BTRC: variants seen among roughly 807,000 people sequenced by gnomAD.
BTRC encodes F-box/WD repeat-containing protein 1A.
In BTRC, 42 loss-of-function variants were observed where a neutral mutation model predicts 85.5. The observed-to-expected ratio is 0.49, with a 90% CI of 0.38 to 0.64. The LOEUF (loss-of-function observed/expected upper bound fraction) is 0.64. Among genes scored for constraint, BTRC ranks in the 30% least tolerant of loss-of-function variants. BTRC has a pLI of 0.00. For synonymous variants in BTRC, 255 were observed against 263.3 expected, an observed-to-expected ratio of 0.97 and a Z score of 0.30; for missense variants, 594 against 743.5, an observed-to-expected ratio of 0.80 and a Z score of 2.34.
intron 1 of BTRC, among the ~76,000 whole-genome samples, chr10:101,421,134 G>A (rs1944089195): frequency 6.6e-6 from 1 of 151,840 alleles, no homozygotes; most frequent in Admixed American, 6.6e-5. Context: ...AGTTTGAAAT[G>A]TTGAAGTTAA....
chr10:101,374,715 T>A (rs1942741058), intron 1 of BTRC, among the ~76,000 whole-genome samples: 1 of 150,166 alleles, frequency 6.7e-6, no homozygotes, highest in Middle Eastern at 3.2e-3. Flanking sequence ...TGCACCAGCA[T>A]GGCACATGTA....
intron 4 of BTRC, among the ~76,000 whole-genome samples, chr10:101,499,394 T>C (rs532875636): frequency 6.6e-6 from 1 of 152,054 alleles, no homozygotes; most frequent in Admixed American, 6.5e-5. Flanking sequence ...CAGCTAAATT[T>C]TTTTGTATTT....
intron 1 of BTRC, among the ~76,000 whole-genome samples, chr10:101,382,961 A>G (rs1942973461): frequency 6.6e-6 from 1 of 152,058 alleles, no homozygotes; most frequent in South Asian, 2.1e-4. Context: ...ACACACTACT[A>G]AAGCTGCTTA....
chr10:101,486,891 C>T (rs1445818803), intron 4 of BTRC, among the ~76,000 whole-genome samples: 1 of 152,182 alleles, frequency 6.6e-6, no homozygotes, highest in Non-Finnish European at 1.5e-5. Flanking sequence ...CTGTCACTTA[C>T]TGAAGGGTTT....
At chr10:101,369,669 A>G (rs1409875636) in intron 1 of BTRC, among the ~76,000 whole-genome samples, 1 of 152,208 alleles carries the variant, frequency 6.6e-6, no homozygotes, top group Non-Finnish European at 1.5e-5. Flanking sequence ...AAGCCATCAT[A>G]CTGGACACAC....
chr10:101,396,513 T>TA (rs2133991663), intron 1 of BTRC, among the ~76,000 whole-genome samples: 1 of 150,880 alleles, frequency 6.6e-6, no homozygotes, highest in South Asian at 2.1e-4. Flanking sequence ...TTAAGCCCAC[T>TA]ACTCACTTGT....
rs186666202 is a variant in BTRC, at chr10:101,518,791, C to T, written c.325-2848C>T. On this transcript the variant is annotated intron_variant, in intron 4 of 14. Coordinates refer to ENST00000370187, the MANE Select transcript of BTRC (RefSeq NM_033637.4). ...CCATTCTTCCTCGCTGTCTAGTCCTCATTTCCTTCATGTCTGAGTTAAAAT... is the reference window on the plus strand; with the variant it reads ...CCATTCTTCCTCGCTGTCTAGTCCTTATTTCCTTCATGTCTGAGTTAAAAT... 2.1e-3 allele frequency among the ~76,000 whole-genome samples: 319 copies of T among 152,324 alleles called. 3 individuals are homozygous for T. Among genetic ancestry groups the T allele is most frequent in the African/African-American group, 7.1e-3 (297 of 41,574 alleles).
intron 1 of BTRC, among the ~76,000 whole-genome samples, chr10:101,383,057 A>ATTTTTTTTTTTTTTTTTT (rs370353886): frequency 8.6e-6 from 1 of 116,516 alleles, no homozygotes. Flanking sequence ...TTCCCTGGAG[A>ATTTTTTTTTTTTTTTTTT]TTTTTTTTTT....
At chr10:101,473,772 A>G (rs550199851) in intron 3 of BTRC, among the ~76,000 whole-genome samples, 3 of 149,140 alleles carry the variant, frequency 2.0e-5, no homozygotes, top group Admixed American at 2.0e-4. Flanking sequence ...AATTTTTTCT[A>G]TTTTTTGTAG....
chr10:101,511,358 A>G (rs535915781), intron 4 of BTRC, among the ~76,000 whole-genome samples: 1 of 152,208 alleles, frequency 6.6e-6, no homozygotes, highest in African/African-American at 2.4e-5. Context: ...CACTTCCTTT[A>G]GAGGCATTTC....
chr10:101,388,422 C>T (rs1007538602), intron 1 of BTRC, among the ~76,000 whole-genome samples: 3 of 151,938 alleles, frequency 2.0e-5, no homozygotes, highest in African/African-American at 7.3e-5. Context: ...GAACTCTTGG[C>T]CTGAAACAAT....
At chr10:101,415,503 T>TG (rs1564758175) in intron 1 of BTRC, among the ~76,000 whole-genome samples, 1 of 4,028 alleles carries the variant, frequency 2.5e-4, no homozygotes, top group Non-Finnish European at 3.0e-3. Context: ...TATGTTATGT[T>TG]ATGTTATGTT....
intron 1 of BTRC, among the ~76,000 whole-genome samples, chr10:101,361,540 G>A (rs78531122): frequency 0.019 from 2,886 of 152,302 alleles, 40 homozygotes; most frequent in Non-Finnish European, 0.029. Flanking sequence ...TCCGTAATAA[G>A]TCAATCTCAG....
rs2062679845 is a variant in BTRC at position 101,553,277 on chromosome 10, TG to T, written c.*157del. The T allele has an allele frequency of 6.6e-6, 1 of 152,650 alleles. No individual in the cohort carries two copies. Among genetic ancestry groups the T allele is most frequent in the Non-Finnish European group, 1.5e-5 (1 of 68,070 alleles). 9.5% of individuals were successfully genotyped at this position (152,650 alleles called of 1,614,324 possible). A position where few individuals can be genotyped will look rare whatever the true frequency, so the allele number is the denominator to read the frequency against. On this transcript the variant is annotated 3_prime_UTR_variant, in exon 15 of 15. Transcript: ENST00000370187. ...AGGAGCAGGGCTTTGAGACTCCTGTTGGGACACAGTTGGTCTGCAGTCGGCC... is the reference window on the plus strand; with the variant it reads ...AGGAGCAGGGCTTTGAGACTCCTGTTGGACACAGTTGGTCTGCAGTCGGCC...
rs1286745360 is a variant in BTRC at position 101,395,813 on chromosome 10, A to G, written c.49-34532A>G. On this transcript the variant is annotated intron_variant, in intron 1 of 14. Transcript: ENST00000370187. ...TTCTATCCTGTAAAAATACTACCAT[A>G]TTATGAATAATCTTTTACATGCCTG... Among the ~76,000 whole-genome samples the G allele has an allele frequency of 3.9e-5, 6 of 152,158 alleles. No individual in the cohort carries two copies. The East Asian group carries it at 1.2e-3, about 29-fold the overall frequency.
chr10:101,394,249 A>G (rs1229293339), intron 1 of BTRC, among the ~76,000 whole-genome samples: 4 of 152,222 alleles, frequency 2.6e-5, no homozygotes, highest in Non-Finnish European at 4.4e-5. Context: ...TACGAACTCA[A>G]TTATTTTCAA....
At chr10:101,405,717 A>C (rs758984921) in intron 1 of BTRC, among the ~76,000 whole-genome samples, 6 of 152,198 alleles carry the variant, frequency 3.9e-5, no homozygotes, top group South Asian at 2.1e-4. Flanking sequence ...TTCAGTGGGA[A>C]ATACAGGATG....
intron 2 of BTRC, among the ~76,000 whole-genome samples, chr10:101,460,496 T>C (rs1426451714): frequency 6.6e-6 from 1 of 152,190 alleles, no homozygotes; most frequent in Non-Finnish European, 1.5e-5. Flanking sequence ...GCTTTTTCTT[T>C]AATTTTAGGG....
intron 1 of BTRC, among the ~76,000 whole-genome samples, chr10:101,381,157 C>T (rs552559945): frequency 1.2e-4 from 19 of 152,244 alleles, no homozygotes; most frequent in African/African-American, 4.6e-4. Flanking sequence ...GCAGCCAACA[C>T]TTGTAGCTCA....
Sources: gnomAD v4.1 joint callset for allele counts (sites outside exome capture counted in the v4.1 genomes callset) on GRCh38, gnomAD v4.1.1 for gene constraint, MANE v1.5 for transcripts, NCBI Gene and HGNC (gene_info 2026-07-23, HGNC 2026-07-21) for gene names.